The following CCDC144A variants were observed in gnomAD, a reference collection of about 807,000 sequenced individuals.
The protein encoded by CCDC144A is coiled-coil domain-containing protein 144A.
Under a neutral mutation model 143.8 loss-of-function variants are expected in CCDC144A, and 41 were observed. The ratio of observed to expected loss-of-function variants is 0.29; its 90% CI spans 0.22 to 0.37. CCDC144A has a LOEUF of 0.37. Ranked by LOEUF, CCDC144A falls within the 10% of genes least tolerant of loss-of-function variation. The probability of loss-of-function intolerance (pLI) is 1.00; values close to 1 mark genes in which losing one functional copy is unlikely to be tolerated. For synonymous variants in CCDC144A, 242 were observed against 517.9 expected, an observed-to-expected ratio of 0.47 and a Z score of 7.23; for missense variants, 637 against 1,488.8, an observed-to-expected ratio of 0.43 and a Z score of 9.41.
chr17:16,704,849 A>T (rs1452375902), intron 2 of CCDC144A, among the ~76,000 whole-genome samples: 1 of 152,214 alleles, frequency 6.6e-6, no homozygotes, highest in Non-Finnish European at 1.5e-5. Flanking sequence ...GTTTTAAAAG[A>T]TTTATATCCA....
At chr17:16,758,260 A>G (rs1915192031) in intron 12 of CCDC144A, among the ~76,000 whole-genome samples, 1 of 152,262 alleles carries the variant, frequency 6.6e-6, no homozygotes, top group South Asian at 2.1e-4. Flanking sequence ...TTTATTTAAT[A>G]TGGCAGAAGA....
rs1016332518 is a variant in CCDC144A at position 16,777,026 on chromosome 17, A to G, written c.*3393A>G. The stretch of plus-strand genomic sequence containing the variant: ...AGGGTTGGAAAAAGACACTTCGTCT[A>G]AATGGACACATCAAAAGCGAGCAGG... On this transcript the variant is annotated 3_prime_UTR_variant, in exon 17 of 17. Transcript: ENST00000399273. The G allele has an allele frequency of 1.4e-5, 2 of 140,480 alleles. No individual in the cohort carries two copies. Among genetic ancestry groups the G allele is most frequent in the African/African-American group, 2.8e-5 (1 of 36,166 alleles). The allele number at this position is 140,480 out of a possible 1,614,324, so 8.7% of individuals were successfully genotyped here. A position where few individuals can be genotyped will look rare whatever the true frequency, so the allele number is the denominator to read the frequency against.
chr17:16,737,878 A>G (rs1487874337), intron 12 of CCDC144A, among the ~76,000 whole-genome samples: 1 of 152,058 alleles, frequency 6.6e-6, no homozygotes, highest in Non-Finnish European at 1.5e-5. Context: ...AAGTACATAC[A>G]TTTTAAAAAT....
At chr17:16,750,086 A>T (rs1914719715) in intron 12 of CCDC144A, among the ~76,000 whole-genome samples, 1 of 152,132 alleles carries the variant, frequency 6.6e-6, no homozygotes, top group Non-Finnish European at 1.5e-5. Flanking sequence ...CATTTAGACC[A>T]TTGTATTCAG....
At chr17:16,744,584 C>T (rs1403807688) in intron 12 of CCDC144A, among the ~76,000 whole-genome samples, 2 of 151,898 alleles carry the variant, frequency 1.3e-5, no homozygotes, top group Non-Finnish European at 2.9e-5. Flanking sequence ...ATTTAAGTTC[C>T]TTATAGGTTC....
the CCDC144A span, among the ~76,000 whole-genome samples, chr17:16,675,725 C>T: frequency 6.6e-6 from 1 of 152,094 alleles, no homozygotes; most frequent in South Asian, 2.1e-4. Flanking sequence ...CATAAAGTTG[C>T]CCAGCTTCGT....
At chr17:16,717,506 T>G (rs1353708628) in intron 6 of CCDC144A, among the ~76,000 whole-genome samples, 1 of 152,196 alleles carries the variant, frequency 6.6e-6, no homozygotes, top group Non-Finnish European at 1.5e-5. Context: ...CTAGACTCCA[T>G]GGGACTAATC....
At chr17:16,686,655 GTTTTT>G (rs1011784039), upstream of CCDC144A, among the ~76,000 whole-genome samples, 1 of 143,824 alleles carries the variant, frequency 7.0e-6, no homozygotes, top group Non-Finnish European at 1.5e-5. Context: ...AAAAAAAATT[GTTTTT>G]TTTTTGAGAG....
chr17:16,761,300 C>T (rs1340440654), intron 12 of CCDC144A, 125 bp from the exon 13 acceptor site: 17 of 1,423,994 alleles, frequency 1.2e-5, no homozygotes, highest in Non-Finnish European at 1.6e-5. Context: ...TGTCACTGTA[C>T]TCCGGCCTGG....
intron 8 of CCDC144A, among the ~76,000 whole-genome samples, chr17:16,726,779 T>G (rs1197780068): frequency 6.6e-6 from 1 of 151,574 alleles, no homozygotes; most frequent in African/African-American, 2.4e-5. Flanking sequence ...TTCCCTGTAC[T>G]CTGTCTCCTT....
At position 16,720,578 on chromosome 17, in the gene CCDC144A, C is replaced by G. The variant is rs758309037; in HGVS notation, c.1811C>G (p.Ala604Gly). 4 of 1,611,060 alleles carry G rather than the reference C, an allele frequency of 2.5e-6. No individual in the cohort carries two copies. The highest frequency in any genetic ancestry group is 2.2e-5 in the South Asian group (2 of 90,710). The change falls in exon 8 of 17, where the codon GCC (alanine) becomes GGC (glycine). Residue 604 changes from alanine (A) to glycine (G), a missense_variant. Ala to Gly is a moderately conservative substitution (Grantham distance 60). Coordinates refer to ENST00000399273, the MANE Select transcript of CCDC144A (RefSeq NM_001382000.1). ...FADSMEPSEI[A>G]SEDCELSHSV... ...GACTCAATGGAGCCATCTGAAATAG[C>G]CTCAGAGGATTGTGAATTGTCTCAC...
the CCDC144A span, among the ~76,000 whole-genome samples, chr17:16,667,346 G>GC: frequency 2.3e-4 from 31 of 137,464 alleles, no homozygotes; most frequent in East Asian, 5.4e-3. Flanking sequence ...GGCGGCTGAG[G>GC]AGCTGAGGGG....
chr17:16,720,799 A>C, intron 8 of CCDC144A, 141 bp downstream of exon 8: 1 of 1,410,298 alleles, frequency 7.1e-7, no homozygotes, highest in Non-Finnish European at 9.4e-7. Context: ...CTTATACTCT[A>C]CGCCAAAGAG....
At chr17:16,758,477 G>A (rs1597589316) in intron 12 of CCDC144A, among the ~76,000 whole-genome samples, 2 of 152,194 alleles carry the variant, frequency 1.3e-5, no homozygotes, top group African/African-American at 2.4e-5. Context: ...GGGACAACTT[G>A]TCTACCACTC....
intron 12 of CCDC144A, among the ~76,000 whole-genome samples, chr17:16,739,816 T>C (rs919319295): frequency 5.9e-5 from 9 of 151,956 alleles, no homozygotes; most frequent in African/African-American, 1.7e-4. Flanking sequence ...TCATTTTCAG[T>C]CCTGTTGCTT....
At position 16,777,600 on chromosome 17, in the gene CCDC144A, C is replaced by A. The variant is rs1377715561; in HGVS notation, c.*3967C>A. ...AAATACATGGTAATTAAATAACCTACTCCTGAATGATTGTTGGGTCAACAA... is the reference window on the plus strand; with the variant it reads ...AAATACATGGTAATTAAATAACCTAATCCTGAATGATTGTTGGGTCAACAA... On this transcript the variant is annotated 3_prime_UTR_variant, in exon 17 of 17. Transcript: ENST00000399273. 7.3e-6 allele frequency: 1 copy of A among 136,966 alleles called. No individual in the cohort carries two copies. The highest frequency in any genetic ancestry group is 1.5e-5 in the Non-Finnish European group (1 of 65,786). The allele number at this position is 136,966 out of a possible 1,614,324, so 8.5% of individuals were successfully genotyped here. A position where few individuals can be genotyped will look rare whatever the true frequency, so the allele number is the denominator to read the frequency against.
intron 1 of CCDC144A, among the ~76,000 whole-genome samples, chr17:16,691,316 T>C (rs1331578330): frequency 6.6e-6 from 1 of 152,206 alleles, no homozygotes; most frequent in Non-Finnish European, 1.5e-5. Context: ...ATCTGTATGC[T>C]GAGGACCCTT....
At chr17:16,721,792 A>T (rs1453579268) in intron 8 of CCDC144A, among the ~76,000 whole-genome samples, 8 of 151,958 alleles carry the variant, frequency 5.3e-5, no homozygotes, top group Non-Finnish European at 1.2e-4. Flanking sequence ...TACATATGTT[A>T]AAAAACACAG....
chr17:16,758,423 C>T (rs1262895688), intron 12 of CCDC144A, among the ~76,000 whole-genome samples: 40 of 152,178 alleles, frequency 2.6e-4, no homozygotes, highest in African/African-American at 9.4e-4. Flanking sequence ...GCGGTATAAC[C>T]CCTTGAGTGC....
Sources: allele counts gnomAD v4.1 joint callset (sites outside exome capture counted in the v4.1 genomes callset), GRCh38; gene constraint gnomAD v4.1.1; transcripts MANE v1.5; gene names NCBI Gene and HGNC (gene_info 2026-07-23, HGNC 2026-07-21).